Variants in AJUBA observed in about 807,000 individuals in gnomAD.
AJUBA encodes ajuba LIM protein, also known as LIM domain-containing protein ajuba.
Under a neutral mutation model 53.3 loss-of-function variants are expected in AJUBA, and 20 were observed. The ratio of observed to expected loss-of-function variants is 0.38; its 90% CI spans 0.26 to 0.55. The LOEUF (loss-of-function observed/expected upper bound fraction) is 0.55, where lower values mean the gene tolerates loss of function less well. AJUBA is among the 20% of genes least tolerant of loss of function. AJUBA has a pLI of 0.80. For synonymous variants in AJUBA, 296 were observed against 306.2 expected, an observed-to-expected ratio of 0.97 and a Z score of 0.35; for missense variants, 580 against 730.5, an observed-to-expected ratio of 0.79 and a Z score of 2.38.
chr14:22,978,520 T>C, intron 1 of AJUBA, 75 bp from the exon 2 acceptor site: 1 of 1,561,074 alleles, frequency 6.4e-7, no homozygotes, highest in Non-Finnish European at 8.7e-7. Context: ...TGACTGCCCT[T>C]TCCTGATGTG....
chr14:22,981,895 G>A lies in AJUBA; in HGVS notation c.372C>T (p.Phe124=). 6.5e-7 allele frequency: 1 copy of A among 1,546,972 alleles called. No homozygotes were observed. The highest frequency in any genetic ancestry group is 8.7e-7 in the Non-Finnish European group (1 of 1,151,276). The change falls in exon 1 of 8, where the codon TTC becomes TTT. Residue 124 remains phenylalanine (F), a synonymous_variant. Transcript: ENST00000262713. ...TAPALSPRSS[F]ASSSASDASK... is the part of the protein sequence containing the mutation. The stretch of plus-strand genomic sequence containing the variant: ...TCGCGTCGCTGGCCGAGCTACTGGC[G>A]AAGCTAGAGCGGGGGCTGAGGGCCG...
chr14:22,971,415 G>A lies in AJUBA; in HGVS notation c.*2028C>T, dbSNP rs1203296790. On this transcript the variant is annotated 3_prime_UTR_variant, in exon 8 of 8. Coordinates refer to ENST00000262713, the MANE Select transcript of AJUBA (RefSeq NM_032876.6). Reference sequence around the variant, plus strand: ...CACCTTAGAATAGCCCCCAAATGTGGAAATTCTGTTGTCAGGAGTCATCAT... The same window carrying A: ...CACCTTAGAATAGCCCCCAAATGTGAAAATTCTGTTGTCAGGAGTCATCAT... 1 of 152,150 alleles carries A rather than the reference G, an allele frequency of 6.6e-6. No homozygotes were observed. The highest frequency in any genetic ancestry group is 2.4e-5 in the African/African-American group (1 of 41,432). 9.4% of individuals were successfully genotyped at this position (152,150 alleles called of 1,614,324 possible).
Position 22,979,164 on chromosome 14 carries a change from T to C in AJUBA, c.1007-719A>G. ...TTCTATCATGGGAAGAATACAGAACTGAACTGCTTGCTATTCCCCAAAATC... is the reference window on the plus strand; with the variant it reads ...TTCTATCATGGGAAGAATACAGAACCGAACTGCTTGCTATTCCCCAAAATC... On this transcript the variant is annotated intron_variant, in intron 1 of 7. Transcript: ENST00000262713. This position sits in a 1 kb window ranked among gnomAD's most constrained non-coding sequence, Gnocchi z 4.0. 8.4e-7 allele frequency: 1 copy of C among 1,193,194 alleles called. No homozygotes were observed. Among genetic ancestry groups the C allele is most frequent in the East Asian group, 5.9e-5 (1 of 16,870 alleles). The allele number at this position is 1,193,194 out of a possible 1,614,324, so 73.9% of individuals were successfully genotyped here. A position where few individuals can be genotyped will look rare whatever the true frequency, so the allele number is the denominator to read the frequency against.
Position 22,982,209 on chromosome 14 carries a change from CCT to C in AJUBA, c.56_57del (p.Lys19ArgfsTer2), listed in dbSNP as rs1566658561. ...SRLLEKFGRR[K>X]GESSRSGSDG... Reference sequence around the variant, plus strand: ...TCAGACCCAGACCGGCTAGATTCACCCTTTCTGCGGCCGAACTTCTCCAGCAG... The same window carrying C: ...TCAGACCCAGACCGGCTAGATTCACCTTCTGCGGCCGAACTTCTCCAGCAG... On this transcript the variant is annotated frameshift_variant, in exon 1 of 8. Transcript: ENST00000262713. LOFTEE classifies it high-confidence loss of function. 6.2e-7 allele frequency: 1 copy of C among 1,613,970 alleles called. No homozygotes were observed. The highest frequency in any genetic ancestry group is 2.2e-5 in the East Asian group (1 of 44,842).
intron 2 of AJUBA, 45 bp downstream of exon 2, chr14:22,978,299 T>C (rs371782085): frequency 8.3e-5 from 129 of 1,549,238 alleles, no homozygotes; most frequent in African/African-American, 2.6e-4. Context: ...TAAGTGTGTA[T>C]GTGGGCAGGG....
Position 22,981,524 on chromosome 14 carries a change from G to C in AJUBA, c.743C>G (p.Ala248Gly), listed in dbSNP as rs759874092. The C allele has an allele frequency of 1.3e-6, 2 of 1,593,200 alleles. No individual in the cohort carries two copies. The highest frequency in any genetic ancestry group is 1.7e-4 in the Middle Eastern group (1 of 6,046). Residue 248 changes from alanine (A) to glycine (G), a missense_variant, in exon 1 of 8, where the codon GCG (alanine) becomes GGG (glycine). By Grantham distance (60) the Ala-to-Gly change is moderately conservative (BLOSUM62 0). Coordinates refer to ENST00000262713, the MANE Select transcript of AJUBA (RefSeq NM_032876.6). ...CCCCCGTCTCTCCAAGGGCCCCGCC[G>C]CTCCCACTCCGGCCCCGGCTAGAGC... Reference protein sequence around the residue: ...PGALAGAGVGAAGPLERRGAQ... With the variant: ...PGALAGAGVGGAGPLERRGAQ...
intron 2 of AJUBA, chr14:22,977,631 G>GAGAA (rs2045049573): frequency 1.3e-5 from 2 of 152,546 alleles, no homozygotes; most frequent in South Asian, 4.1e-4. Flanking sequence ...TGAGCCTAAA[G>GAGAA]AGAACCAGGC....
intron 2 of AJUBA, 48 bp from the exon 3 acceptor site, chr14:22,976,760 C>T: frequency 1.2e-6 from 2 of 1,602,600 alleles, no homozygotes; most frequent in Non-Finnish European, 1.7e-6. Flanking sequence ...AGCCCAGGTG[C>T]AAGACTTCTG....
At chr14:22,978,529 T>C in intron 1 of AJUBA, 84 bp from the exon 2 acceptor site, 1 of 1,547,078 alleles carries the variant, frequency 6.5e-7, no homozygotes, top group Non-Finnish European at 8.8e-7. Context: ...TTTCCTGATG[T>C]GCCAGGGGTC....
rs116945987 is a variant in AJUBA at position 22,974,950 on chromosome 14, C to T, written c.1370+24G>A. 12,547 of 1,613,982 alleles carry T rather than the reference C, an allele frequency of 7.8e-3. 77 individuals carry two copies. The highest frequency in any genetic ancestry group is 8.3e-3 in the Non-Finnish European group (9,849 of 1,179,832). On this transcript the variant is annotated intron_variant, in intron 5 of 7. Transcript: ENST00000262713. ...GGGAATCCCTGGACCCAGTTCCACACTGCATCCCAAGGGGCAGACTCACTT... is the reference window on the plus strand; with the variant it reads ...GGGAATCCCTGGACCCAGTTCCACATTGCATCCCAAGGGGCAGACTCACTT...
rs1448238266 is a variant in AJUBA at position 22,982,037 on chromosome 14, C to T, written c.230G>A (p.Arg77His). The T allele has an allele frequency of 6.3e-7, 1 of 1,590,708 alleles. No homozygotes were observed. Among genetic ancestry groups the T allele is most frequent in the Non-Finnish European group, 8.5e-7 (1 of 1,173,184 alleles). Reference protein sequence around the residue: ...QGSLDAERNQRGSFEAPRYEG... With the variant: ...QGSLDAERNQHGSFEAPRYEG... ...GTAGCGCGGCGCCTCAAAGGAGCCG[C>T]GCTGATTTCGCTCAGCGTCCAGGGA... Residue 77 changes from arginine to histidine, a missense_variant, in exon 1 of 8, where the codon CGC (arginine) becomes CAC (histidine). Transcript: ENST00000262713.
In AJUBA at chr14:22,981,533, C is replaced by T. The variant is rs1421672981; in HGVS notation, c.734G>A (p.Gly245Glu). 3 of 1,591,578 alleles carry T rather than the reference C, an allele frequency of 1.9e-6. No individual in the cohort carries two copies. Among genetic ancestry groups the T allele is most frequent in the Non-Finnish European group, 2.6e-6 (3 of 1,172,722 alleles). ...CTCCAAGGGCCCCGCCGCTCCCACT[C>T]CGGCCCCGGCTAGAGCTCCAGGGCT... is the stretch of plus-strand genomic sequence containing the variant. ...LGSPGALAGA[G>E]VGAAGPLERR... The change falls in exon 1 of 8, where the codon GGA becomes GAA. Residue 245 changes from glycine to glutamate, a missense_variant. Coordinates refer to ENST00000262713, the MANE Select transcript of AJUBA (RefSeq NM_032876.6).
chr14:22,976,706 G>A lies in AJUBA; in HGVS notation c.1115C>T (p.Thr372Ile), dbSNP rs779750264. The A allele has an allele frequency of 3.1e-6, 5 of 1,613,984 alleles. No individual in the cohort carries two copies. In the South Asian group the frequency reaches 4.4e-5, roughly 14 times the overall value. Residue 372 changes from threonine to isoleucine, a missense_variant, in exon 3 of 8, where the codon ACT (threonine) becomes ATT (isoleucine). Around this residue, in one of 2 missense-constraint regions of AJUBA, gnomAD observed 150 missense variants for 259.0 expected, o/e 0.58. Transcript: ENST00000262713. ...ACTGTAGAAAGCCTTGCAACGCAAA[G>A]TTCGCCCTAGAAACAATAGAGAAGG... ...QCFVCCSCGRTLRCKAFYSVN... is the reference protein window; with the variant it reads ...QCFVCCSCGRILRCKAFYSVN...
At chr14:22,975,722 G>C (rs1357868619) in intron 4 of AJUBA, 3 of 151,444 alleles carry the variant, frequency 2.0e-5, no homozygotes. Flanking sequence ...AATTAGCCGG[G>C]CATGTGGCGG....
rs1382093271 is a variant in AJUBA at position 22,982,035 on chromosome 14, C to T, written c.232G>A (p.Gly78Ser). 28 of 1,591,036 alleles carry T rather than the reference C, an allele frequency of 1.8e-5. No homozygotes were observed. Among genetic ancestry groups the T allele is most frequent in the Non-Finnish European group, 2.3e-5 (27 of 1,173,278 alleles). ...TCGTAGCGCGGCGCCTCAAAGGAGC[C>T]GCGCTGATTTCGCTCAGCGTCCAGG... ...GSLDAERNQR[G>S]SFEAPRYEGS... is the part of the protein sequence containing the mutation. The change falls in exon 1 of 8, where the codon GGC becomes AGC. Residue 78 changes from glycine to serine, a missense_variant. Around this residue, in one of 2 missense-constraint regions of AJUBA, gnomAD observed 430 missense variants for 471.5 expected, o/e 0.91. Transcript: ENST00000262713.
intron 1 of AJUBA, chr14:22,980,607 C>A (rs955683993): frequency 2.0e-6 from 2 of 985,422 alleles, no homozygotes; most frequent in Middle Eastern, 5.2e-4. Context: ...ACGCACCTAG[C>A]CAACAGGACT....
Position 22,981,980 on chromosome 14 carries a change from G to C in AJUBA, c.287C>G (p.Thr96Ser). ...EGSFPAGPPP[T>S]RALPLPQSLP... ...CGACTGAGGTAGAGGCAAGGCCCGGGTGGGCGGCGGCCCCGCGGGAAAAGA... is the reference window on the plus strand; with the variant it reads ...CGACTGAGGTAGAGGCAAGGCCCGGCTGGGCGGCGGCCCCGCGGGAAAAGA... Residue 96 changes from threonine (T) to serine (S), a missense_variant, in exon 1 of 8, where the codon ACC (threonine) becomes AGC (serine). Physicochemically the swap from Thr to Ser is moderately conservative, Grantham distance 58. Coordinates refer to ENST00000262713, the MANE Select transcript of AJUBA (RefSeq NM_032876.6). 6.3e-7 allele frequency: 1 copy of C among 1,578,206 alleles called. No individual in the cohort carries two copies. The highest frequency in any genetic ancestry group is 8.6e-7 in the Non-Finnish European group (1 of 1,167,760).
At position 22,982,347 on chromosome 14, in the gene AJUBA, C is replaced by G. The variant is rs1566658682; in HGVS notation, c.-81G>C. 1 of 1,569,686 alleles carries G rather than the reference C, an allele frequency of 6.4e-7. No homozygotes were observed. The highest frequency in any genetic ancestry group is 8.6e-7 in the Non-Finnish European group (1 of 1,165,012). ...GGCGGCCGGTTCTCTTTCCCTGCAG[C>G]CGGACTCTGGTTCCCCAGGGGCACA... On this transcript the variant is annotated 5_prime_UTR_variant, in exon 1 of 8. Coordinates refer to ENST00000262713, the MANE Select transcript of AJUBA (RefSeq NM_032876.6).
rs1052169187 is a variant in AJUBA at position 22,973,481 on chromosome 14, G to A, written c.1579C>T (p.Arg527Trp). 1.2e-5 allele frequency: 19 copies of A among 1,613,754 alleles called. No individual in the cohort carries two copies. The highest frequency in any genetic ancestry group is 2.2e-5 in the East Asian group (1 of 44,876). The stretch of plus-strand genomic sequence containing the variant: ...GCAGGGGGTTGTCGGGCATTGAGCC[G>A]CTGCATGTGGCAACCATGGCAGAGC... ...HLLCHGCHMQ[R>W]LNARQPPANY... is the part of the protein sequence containing the mutation. Residue 527 changes from arginine to tryptophan, a missense_variant, in exon 8 of 8, where the codon CGG becomes TGG. This residue lies in a region of AJUBA where 150 missense variants were observed against 259.0 expected (regional missense o/e 0.58). Coordinates refer to ENST00000262713, the MANE Select transcript of AJUBA (RefSeq NM_032876.6).
Sources: gnomAD v4.1 joint callset for allele counts on GRCh38, gnomAD v4.1.1 for gene constraint, gnomAD v4.1.1 regional missense constraint, Gnocchi (gnomAD v3.1) non-coding constraint, MANE v1.5 for transcripts, NCBI Gene and HGNC (gene_info 2026-07-23, HGNC 2026-07-21) for gene names.